Variants in PPL observed in about 807,000 individuals in gnomAD.
PPL encodes 190 kDa paraneoplastic pemphigus antigen.
In PPL, 198 loss-of-function variants were observed where a neutral mutation model predicts 194.4. The ratio of observed to expected loss-of-function variants is 1.02; its 90% CI spans 0.91 to 1.15. The LOEUF is 1.15. Among genes scored for constraint, PPL ranks in the 50% most tolerant of loss-of-function variants. The pLI is 0.00. For missense variants in PPL, 2,885 were observed against 2,294.8 expected (o/e 1.26, Z -5.25); for synonymous variants, 1,220 against 972.4 (o/e 1.25, Z -4.74).
intron 1 of PPL, among the ~76,000 whole-genome samples, chr16:4,915,912 C>A (rs2088907406): frequency 6.6e-6 from 1 of 152,194 alleles, no homozygotes; most frequent in Admixed American, 6.5e-5. Context: ...AGGCCCTTAA[C>A]AATTCCATGT....
rs776208234 is a variant in PPL, at chr16:4,895,270, C to G, written c.1233G>C (p.Glu411Asp). 9 of 1,605,396 alleles carry G rather than the reference C, an allele frequency of 5.6e-6. No homozygotes were observed. The South Asian group carries it at 6.6e-5, about 12-fold the overall frequency. Reference protein sequence around the residue: ...PIPVEALCDFEGEQGLISRGY... With the variant: ...PIPVEALCDFDGEQGLISRGY... The stretch of plus-strand genomic sequence containing the variant: ...AGCTGGCCCCACGCACCTGCTCCCC[C>G]TCAAAGTCACAGAGTGCCTCCACGG... The change falls in exon 11 of 22, where the codon GAG (glutamate) becomes GAC (aspartate). Residue 411 changes from glutamate (E) to aspartate (D), a missense_variant. Physicochemically the swap from Glu to Asp is conservative, Grantham distance 45 (BLOSUM62 2). Coordinates refer to ENST00000345988, the MANE Select transcript of PPL (RefSeq NM_002705.5).
chr16:4,884,443 C>T lies in PPL; in HGVS notation c.4212G>A (p.Glu1404=), dbSNP rs762655337. The T allele has an allele frequency of 2.5e-6, 4 of 1,602,248 alleles. No homozygotes were observed. The highest frequency in any genetic ancestry group is 3.4e-6 in the Non-Finnish European group (4 of 1,177,078). The change falls in exon 22 of 22, where the codon GAG becomes GAA. Residue 1404 remains glutamate, a synonymous_variant. Coordinates refer to ENST00000345988, the MANE Select transcript of PPL (RefSeq NM_002705.5). The surrounding 1 kb of genome is among the most constrained non-coding windows in gnomAD (Gnocchi z 5.7). ...RRRTELERQL[E]ELERERQARR... is the part of the protein sequence containing the mutation. ...GGGCCTGCCGCTCGCGCTCTAGCTC[C>T]TCCAGCTGCCGCTCAAGCTCGGTGC...
chr16:4,920,327 G>GAAAC (rs2089016779), intron 1 of PPL, among the ~76,000 whole-genome samples: 1 of 64,856 alleles, frequency 1.5e-5, no homozygotes, highest in Admixed American at 1.9e-4. Flanking sequence ...AGAAAAGAAA[G>GAAAC]AAAGAAAGAG....
rs145367657 is a variant in PPL at position 4,893,323 on chromosome 16, C to A, written c.1540G>T (p.Val514Leu). 3.1e-6 allele frequency: 5 copies of A among 1,608,604 alleles called. No homozygotes were observed. Among genetic ancestry groups the A allele is most frequent in the Non-Finnish European group, 4.2e-6 (5 of 1,179,684 alleles). ...TCCTGCCGGTCCAGGTCGCTGGCCA[C>A]CTTGTCCAAGCCAGCCAGCAGCTGC... ...GRQLLAGLDK[V>L]ASDLDRQEKA... Residue 514 changes from valine (V) to leucine (L), a missense_variant, in exon 14 of 22, where the codon GTG (valine) becomes TTG (leucine). Coordinates refer to ENST00000345988, the MANE Select transcript of PPL (RefSeq NM_002705.5).
chr16:4,921,494 T>C (rs2089049329), intron 1 of PPL, among the ~76,000 whole-genome samples: 1 of 151,940 alleles, frequency 6.6e-6, no homozygotes, highest in African/African-American at 2.4e-5. Flanking sequence ...TGAGACTGAG[T>C]CTCACTCTGT....
chr16:4,888,075 C>G (rs548727203), intron 20 of PPL, 27 bp downstream of exon 20: 1 of 1,565,696 alleles, frequency 6.4e-7, no homozygotes, highest in Non-Finnish European at 8.8e-7. Context: ...ACCTCAGTCC[C>G]GAGGCCGCCT....
At chr16:4,895,803 CG>C in intron 9 of PPL, 87 bp from the exon 10 acceptor site, 1 of 1,577,356 alleles carries the variant, frequency 6.3e-7, no homozygotes, top group Non-Finnish European at 8.7e-7. Flanking sequence ...ATCCCTCAGG[CG>C]GGGCTGGGCC....
At chr16:4,923,852 C>T (rs926658606) in intron 1 of PPL, among the ~76,000 whole-genome samples, 7 of 152,164 alleles carry the variant, frequency 4.6e-5, no homozygotes, top group Non-Finnish European at 1.0e-4. Flanking sequence ...TCATCCTCTT[C>T]CTCCGTGTCA....
Position 4,926,158 on chromosome 16 carries a change from G to A in PPL, c.62+10826C>T, listed in dbSNP as rs571672199. Among the ~76,000 whole-genome samples, 12 of 152,306 alleles carry A rather than the reference G, an allele frequency of 7.9e-5. No homozygotes were observed. In the South Asian group the frequency reaches 2.5e-3, roughly 32 times the overall value. Reference sequence around the variant, plus strand: ...TCCTTATAACAACTAGTTGAGGTACGTGCTATCATAGCTCCATTGCAGATG... The same window carrying A: ...TCCTTATAACAACTAGTTGAGGTACATGCTATCATAGCTCCATTGCAGATG... On this transcript the variant is annotated intron_variant, in intron 1 of 21. Coordinates refer to ENST00000345988, the MANE Select transcript of PPL (RefSeq NM_002705.5).
chr16:4,912,558 G>C (rs2088839078), intron 1 of PPL, among the ~76,000 whole-genome samples: 1 of 152,198 alleles, frequency 6.6e-6, no homozygotes, highest in South Asian at 2.1e-4. Context: ...TTAATTACCT[G>C]ATATTTTTCT....
chr16:4,885,927 C>G lies in PPL; in HGVS notation c.2728G>C (p.Glu910Gln). 1.2e-6 allele frequency: 2 copies of G among 1,612,734 alleles called. No homozygotes were observed. Among genetic ancestry groups the G allele is most frequent in the African/African-American group, 1.3e-5 (1 of 75,072 alleles). Reference sequence around the variant, plus strand: ...TCCTGGGTGCTCTTGACCTCGTTCTCCAGCTGCCGCCTCCGCTCAGTCTCC... The same window carrying G: ...TCCTGGGTGCTCTTGACCTCGTTCTGCAGCTGCCGCCTCCGCTCAGTCTCC... ...DEETERRRQL[E>Q]NEVKSTQEEI... is the part of the protein sequence containing the mutation. The change falls in exon 22 of 22, where the codon GAG (glutamate) becomes CAG (glutamine). Residue 910 changes from glutamate to glutamine, a missense_variant. Coordinates refer to ENST00000345988, the MANE Select transcript of PPL (RefSeq NM_002705.5). This position sits in a 1 kb window ranked among gnomAD's most constrained non-coding sequence, Gnocchi z 6.3.
intron 1 of PPL, among the ~76,000 whole-genome samples, chr16:4,933,158 T>C (rs570518118): frequency 5.3e-5 from 8 of 152,130 alleles, no homozygotes; most frequent in Admixed American, 4.6e-4. Flanking sequence ...CCCACCCCCA[T>C]GCCCAGCTAA....
At chr16:4,892,320 G>A (rs1255962851) in intron 14 of PPL, 107 bp from the exon 15 acceptor site, 2 of 1,249,154 alleles carry the variant, frequency 1.6e-6, no homozygotes, top group African/African-American at 3.0e-5. Context: ...AGTGGAAGCA[G>A]CTGGAGAGGC....
In PPL at chr16:4,885,024, T is replaced by C. The variant is rs746503382; in HGVS notation, c.3631A>G (p.Ser1211Gly). The C allele has an allele frequency of 1.9e-6, 3 of 1,613,732 alleles. No homozygotes were observed. The highest frequency in any genetic ancestry group is 2.2e-5 in the South Asian group (2 of 91,078). The change falls in exon 22 of 22, where the codon AGC (serine) becomes GGC (glycine). Residue 1211 changes from serine to glycine, a missense_variant. Ser to Gly is a moderately conservative substitution (Grantham distance 56, BLOSUM62 0). Coordinates refer to ENST00000345988, the MANE Select transcript of PPL (RefSeq NM_002705.5). This position sits in a 1 kb window ranked among gnomAD's most constrained non-coding sequence, Gnocchi z 6.3. Reference sequence around the variant, plus strand: ...AGGGCCTCCAGCTCACTCTGGTAGCTCCGGAGCTGCTCCTCGGCACCCCGG... The same window carrying C: ...AGGGCCTCCAGCTCACTCTGGTAGCCCCGGAGCTGCTCCTCGGCACCCCGG... The part of the protein sequence containing the change: ...KYRGAEEQLR[S>G]YQSELEALRR...
chr16:4,889,764 G>C (rs1050777889), intron 18 of PPL, among the ~76,000 whole-genome samples: 1 of 152,220 alleles, frequency 6.6e-6, no homozygotes, highest in African/African-American at 2.4e-5. Context: ...GGATGTGGCT[G>C]ATGGGGTGGA....
chr16:4,890,568 G>C (rs777669568), intron 17 of PPL, among the ~76,000 whole-genome samples, 160 bp downstream of exon 17: 7 of 152,220 alleles, frequency 4.6e-5, no homozygotes, highest in Non-Finnish European at 1.0e-4. Flanking sequence ...ACCCAGGTAA[G>C]CATGACTCAA....
At position 4,892,170 on chromosome 16, in the gene PPL, C is replaced by T. The variant is rs199565472; in HGVS notation, c.1694G>A (p.Arg565Gln). 96 of 1,613,754 alleles carry T rather than the reference C, an allele frequency of 5.9e-5. No homozygotes were observed. Among genetic ancestry groups the T allele is most frequent in the South Asian group, 4.3e-4 (39 of 91,078 alleles). The change falls in exon 15 of 22, where the codon CGG becomes CAG. Residue 565 changes from arginine (R) to glutamine (Q), a missense_variant. Arg to Gln is a conservative substitution (Grantham distance 43, BLOSUM62 1). Transcript: ENST00000345988. ...GAAGGCTTCGCCCTCAGCCGTGCTC[C>T]GCGTCTTCTCAGGTTCAATCCGCAG... ...ELLRIEPEKT[R>Q]STAEGEAFIQ...
At chr16:4,920,573 C>T (rs2089029923) in intron 1 of PPL, among the ~76,000 whole-genome samples, 1 of 152,166 alleles carries the variant, frequency 6.6e-6, no homozygotes, top group African/African-American at 2.4e-5. Flanking sequence ...AGTGATTCTA[C>T]TGCCTCAGCC....
At chr16:4,930,332 G>A (rs1273259489) in intron 1 of PPL, among the ~76,000 whole-genome samples, 1 of 152,184 alleles carries the variant, frequency 6.6e-6, no homozygotes, top group African/African-American at 2.4e-5. Flanking sequence ...TCACCGTCCT[G>A]CACGCAGGAG....
Sources: allele counts gnomAD v4.1 joint callset (sites outside exome capture counted in the v4.1 genomes callset), GRCh38; gene constraint gnomAD v4.1.1; non-coding constraint Gnocchi (gnomAD v3.1); transcripts MANE v1.5; gene names NCBI Gene and HGNC (gene_info 2026-07-23, HGNC 2026-07-21).